RFX2: variants seen among roughly 807,000 people sequenced by gnomAD.
RFX2 encodes DNA-binding protein RFX2.
Under a neutral mutation model 87.8 loss-of-function variants are expected in RFX2, and 20 were observed. The ratio of observed to expected loss-of-function variants is 0.23; its 90% CI spans 0.16 to 0.33. The LOEUF is 0.33. RFX2 is among the 10% of genes least tolerant of loss of function. RFX2 has a pLI of 1.00. For missense variants in RFX2, 767 were observed against 1,012.3 expected (o/e 0.76, Z 3.29); for synonymous variants, 397 against 431.3 (o/e 0.92, Z 0.98).
chr19:6,032,802 G>A (rs1205250390), intron 5 of RFX2, among the ~76,000 whole-genome samples: 3 of 152,082 alleles, frequency 2.0e-5, no homozygotes, highest in Non-Finnish European at 4.4e-5. Context: ...TTGTTTCTTT[G>A]TTTTGAGACA....
intron 5 of RFX2, among the ~76,000 whole-genome samples, chr19:6,033,615 C>CA (rs34581899): frequency 0.14 from 8,356 of 59,046 alleles, 541 homozygotes; most frequent in East Asian, 0.25. Flanking sequence ...CCCACCTTTG[C>CA]AAAAAAAAAA....
At chr19:6,062,319 C>A (rs909674110) in intron 1 of RFX2, among the ~76,000 whole-genome samples, 2 of 152,154 alleles carry the variant, frequency 1.3e-5, no homozygotes, top group Non-Finnish European at 2.9e-5. Context: ...TACGTGGGGG[C>A]TGACTGACTC....
In RFX2 at chr19:6,002,103, G is replaced by A. The variant is rs2144671595; in HGVS notation, c.1651-80C>T. On this transcript the variant is annotated intron_variant, in intron 14 of 17. Coordinates refer to ENST00000303657, the MANE Select transcript of RFX2 (RefSeq NM_000635.4). This position sits in a 1 kb window ranked among gnomAD's most constrained non-coding sequence, Gnocchi z 6.7. ...CCTCCCTGGACCTAGCCATGCTCAG[G>A]GCGGGACATCGTGCTGTGCTTGAGC... 7.8e-7 allele frequency: 1 copy of A among 1,281,586 alleles called. No individual in the cohort carries two copies. Among genetic ancestry groups the A allele is most frequent in the East Asian group, 2.5e-5 (1 of 39,366 alleles). 79.4% of individuals were successfully genotyped at this position (1,281,586 alleles called of 1,614,324 possible).
rs2087660621 is a variant in RFX2 at position 6,074,584 on chromosome 19, C to A, written c.-8-27080G>T. Among the ~76,000 whole-genome samples, 2 of 152,224 alleles carry A rather than the reference C, an allele frequency of 1.3e-5. No homozygotes were observed. The highest frequency in any genetic ancestry group is 4.1e-4 in the South Asian group (2 of 4,832). On this transcript the variant is annotated intron_variant, in intron 1 of 17. Coordinates refer to ENST00000303657, the MANE Select transcript of RFX2 (RefSeq NM_000635.4). This position sits in a 1 kb window ranked among gnomAD's most constrained non-coding sequence, Gnocchi z 5.2. ...GCAGGGAATGAAACAGATTGAGTCC[C>A]TGACCATGTGGGGCTGACCCCTCAG... is the stretch of plus-strand genomic sequence containing the variant.
At chr19:6,089,278 G>T (rs767834054) in intron 1 of RFX2, among the ~76,000 whole-genome samples, 2 of 152,186 alleles carry the variant, frequency 1.3e-5, no homozygotes, top group Non-Finnish European at 2.9e-5. Flanking sequence ...GGACACTCTG[G>T]GGGTGAAGAC....
intron 3 of RFX2, among the ~76,000 whole-genome samples, chr19:6,042,409 G>A (rs368925464): frequency 2.0e-5 from 3 of 152,346 alleles, no homozygotes; most frequent in African/African-American, 7.2e-5. Flanking sequence ...GCGGGACCAG[G>A]AGAATGACAA....
chr19:6,056,303 A>G lies in RFX2; in HGVS notation c.-8-8799T>C, dbSNP rs1363573732. 6.6e-6 allele frequency among the ~76,000 whole-genome samples: 1 copy of G among 152,214 alleles called. No homozygotes were observed. The highest frequency in any genetic ancestry group is 2.4e-5 in the African/African-American group (1 of 41,444). On this transcript the variant is annotated intron_variant, in intron 1 of 17. Coordinates refer to ENST00000303657, the MANE Select transcript of RFX2 (RefSeq NM_000635.4). This position sits in a 1 kb window ranked among gnomAD's most constrained non-coding sequence, Gnocchi z 4.6. ...ACACCCTGTAGAGGGTGGTGGCTTC[A>G]TAAGTTTCATTGCATTGTGTATTTA...
At position 6,016,859 on chromosome 19, in the gene RFX2, C is replaced by A. The variant is rs1568508087; in HGVS notation, c.598-588G>T. Among the ~76,000 whole-genome samples, 1 of 152,050 alleles carries A rather than the reference C, an allele frequency of 6.6e-6. No homozygotes were observed. Among genetic ancestry groups the A allele is most frequent in the Non-Finnish European group, 1.5e-5 (1 of 68,024 alleles). On this transcript the variant is annotated intron_variant, in intron 6 of 17. Coordinates refer to ENST00000303657, the MANE Select transcript of RFX2 (RefSeq NM_000635.4). This position sits in a 1 kb window ranked among gnomAD's most constrained non-coding sequence, Gnocchi z 5.4. Reference sequence around the variant, plus strand: ...GAACTATTAGCTTCTGTCTTCAGTCCCTTAAATGAAATACCCACACACCAC... The same window carrying A: ...GAACTATTAGCTTCTGTCTTCAGTCACTTAAATGAAATACCCACACACCAC...
At chr19:6,015,288 C>T (rs1006276838) in intron 7 of RFX2, among the ~76,000 whole-genome samples, 17 of 151,794 alleles carry the variant, frequency 1.1e-4, no homozygotes, top group South Asian at 6.2e-4. Flanking sequence ...ATTAGCCAGG[C>T]GTGCTGGTGG....
chr19:6,027,017 A>G lies in RFX2; in HGVS notation c.523-780T>C, dbSNP rs2086898201. The stretch of plus-strand genomic sequence containing the variant: ...GGCACACAGCTGTGCGTGGCCACTA[A>G]GGCATTCGCACGCATTTGGTTTGTC... On this transcript the variant is annotated intron_variant, in intron 5 of 17. Coordinates refer to ENST00000303657, the MANE Select transcript of RFX2 (RefSeq NM_000635.4). This position sits in a 1 kb window ranked among gnomAD's most constrained non-coding sequence, Gnocchi z 5.0. 1 of 152,310 alleles carries G rather than the reference A, an allele frequency of 6.6e-6. No homozygotes were observed. Among genetic ancestry groups the G allele is most frequent in the Non-Finnish European group, 1.5e-5 (1 of 68,104 alleles). 9.4% of individuals were successfully genotyped at this position (152,310 alleles called of 1,614,324 possible). A position where few individuals can be genotyped will look rare whatever the true frequency, so the allele number is the denominator to read the frequency against.
Position 6,024,761 on chromosome 19 carries a change from AGGACG to A in RFX2, c.597+1397_597+1401del, listed in dbSNP as rs1394750372. 1.4e-5 allele frequency among the ~76,000 whole-genome samples: 2 copies of A among 146,686 alleles called. No individual in the cohort carries two copies. The highest frequency in any genetic ancestry group is 5.2e-5 in the African/African-American group (2 of 38,784). ...CGGGATCACGGTGAGGACGGGAGTG[AGGACG>A]GGATCACGGTGAGGACGGGAGTGAG... On this transcript the variant is annotated intron_variant, in intron 6 of 17. Transcript: ENST00000303657. The surrounding 1 kb of genome is among the most constrained non-coding windows in gnomAD (Gnocchi z 5.0).
rs994230319 is a variant in RFX2, at chr19:6,061,859, C to T, written c.-8-14355G>A. 2.0e-5 allele frequency among the ~76,000 whole-genome samples: 3 copies of T among 152,056 alleles called. No individual in the cohort carries two copies. Among genetic ancestry groups the T allele is most frequent in the African/African-American group, 4.8e-5 (2 of 41,380 alleles). On this transcript the variant is annotated intron_variant, in intron 1 of 17. Transcript: ENST00000303657. This position sits in a 1 kb window ranked among gnomAD's most constrained non-coding sequence, Gnocchi z 5.2. The stretch of plus-strand genomic sequence containing the variant: ...AATGATATAGCTGATGTGCCCACCC[C>T]GAGTGTGGATCCCAGCAGGTGCCTG...
rs144381234 is a variant in RFX2 at position 6,004,714 on chromosome 19, A to AAC, written c.1403-418_1403-417dup. ...GCCAAGGGAAAGAGGCCTTGACACA[A>AAC]ACACACACACACACGTAAATACATT... On this transcript the variant is annotated intron_variant, in intron 12 of 17. Coordinates refer to ENST00000303657, the MANE Select transcript of RFX2 (RefSeq NM_000635.4). This position sits in a 1 kb window ranked among gnomAD's most constrained non-coding sequence, Gnocchi z 4.8. 5.9e-5 allele frequency among the ~76,000 whole-genome samples: 9 copies of AAC among 151,790 alleles called. No homozygotes were observed. Among genetic ancestry groups the AAC allele is most frequent in the East Asian group, 1.9e-4 (1 of 5,154 alleles).
rs539970484 is a variant in RFX2 at position 5,994,798 on chromosome 19, A to G, written c.*37T>C. On this transcript the variant is annotated 3_prime_UTR_variant, in exon 18 of 18. Transcript: ENST00000303657. Reference sequence around the variant, plus strand: ...CAGGTTCCCAGAGTGACCAGGCGGCATCTTTTGGAACCTCGAGGAGGCGCC... The same window carrying G: ...CAGGTTCCCAGAGTGACCAGGCGGCGTCTTTTGGAACCTCGAGGAGGCGCC... The G allele has an allele frequency of 1.4e-4, 200 of 1,395,914 alleles. 2 individuals are homozygous for G. The South Asian group carries it at 2.3e-3, about 16-fold the overall frequency. The allele number at this position is 1,395,914 out of a possible 1,614,324, so 86.5% of individuals were successfully genotyped here.
At position 6,026,460 on chromosome 19, in the gene RFX2, G is replaced by C; in HGVS notation, c.523-223C>G. ...TTGCTTCGCACACGTAGGTAAGCCC[G>C]AGAGCCCGTCCAACAGAAGCAGCAG... On this transcript the variant is annotated intron_variant, in intron 5 of 17. Transcript: ENST00000303657. This position sits in a 1 kb window ranked among gnomAD's most constrained non-coding sequence, Gnocchi z 4.5. 1 of 584,042 alleles carries C rather than the reference G, an allele frequency of 1.7e-6. No homozygotes were observed. The highest frequency in any genetic ancestry group is 3.0e-6 in the Non-Finnish European group (1 of 329,266). The allele number at this position is 584,042 out of a possible 1,614,324, so 36.2% of individuals were successfully genotyped here.
intron 1 of RFX2, among the ~76,000 whole-genome samples, chr19:6,065,153 T>C (rs1000247729): frequency 1.3e-5 from 2 of 152,154 alleles, no homozygotes; most frequent in Non-Finnish European, 1.5e-5. Context: ...AGCATTTCTT[T>C]GGGAGGATTT....
intron 12 of RFX2, 114 bp downstream of exon 12, chr19:6,006,898 G>T: frequency 7.8e-7 from 1 of 1,282,076 alleles, no homozygotes; most frequent in South Asian, 1.4e-5. Flanking sequence ...GGCCACTTTT[G>T]GGTTTTCTGT....
At chr19:6,077,704 G>A (rs1019866563) in intron 1 of RFX2, among the ~76,000 whole-genome samples, 2 of 152,172 alleles carry the variant, frequency 1.3e-5, no homozygotes, top group African/African-American at 2.4e-5. Flanking sequence ...GAAGGCGGCC[G>A]GGCGCGGTGG....
chr19:6,046,631 T>TG (rs1742798045), intron 2 of RFX2, among the ~76,000 whole-genome samples: 1 of 136,438 alleles, frequency 7.3e-6, no homozygotes, highest in Non-Finnish European at 1.5e-5. Flanking sequence ...TTTTTTTTTT[T>TG]GTCACTTAGG....
Sources: gnomAD v4.1 joint callset for allele counts (sites outside exome capture counted in the v4.1 genomes callset) on GRCh38, gnomAD v4.1.1 for gene constraint, Gnocchi (gnomAD v3.1) non-coding constraint, MANE v1.5 for transcripts, NCBI Gene and HGNC (gene_info 2026-07-23, HGNC 2026-07-21) for gene names.